Variants in CNTN5 observed in about 807,000 individuals in gnomAD.
CNTN5 encodes the protein contactin-5.
In CNTN5, 77 loss-of-function variants were observed where a neutral mutation model predicts 129.1. The ratio of observed to expected loss-of-function variants is 0.60; its 90% confidence interval spans 0.50 to 0.72. CNTN5 has a LOEUF of 0.72. Ranked by LOEUF, CNTN5 falls within the 30% of genes least tolerant of loss-of-function variation. The probability of loss-of-function intolerance (pLI) is 0.00; values close to 1 mark genes in which losing one functional copy is unlikely to be tolerated. For missense variants in CNTN5, 1,478 were observed against 1,328.8 expected (o/e 1.11, Z -1.75); for synonymous variants, 509 against 465.6 (o/e 1.09, Z -1.20).
chr11:99,662,860 A>T (rs998106238), intron 3 of CNTN5, among the ~76,000 whole-genome samples: 1 of 152,218 alleles, frequency 6.6e-6, no homozygotes, highest in Admixed American at 6.5e-5. Context: ...AAAGCTCCTC[A>T]GATGCATGTA....
At chr11:99,892,054 T>A (rs527495077) in intron 6 of CNTN5, among the ~76,000 whole-genome samples, 5 of 152,306 alleles carry the variant, frequency 3.3e-5, no homozygotes, top group Admixed American at 2.6e-4. Context: ...CTAATAGTGG[T>A]TTTGATTTGC....
intron 9 of CNTN5, among the ~76,000 whole-genome samples, chr11:100,012,378 G>T (rs1041351250): frequency 6.6e-6 from 1 of 152,048 alleles, no homozygotes; most frequent in Admixed American, 6.6e-5. Flanking sequence ...CTAATGTTTT[G>T]ATGCAACTTC....
At chr11:99,245,928 G>A (rs1297195080) in intron 1 of CNTN5, among the ~76,000 whole-genome samples, 2 of 152,054 alleles carry the variant, frequency 1.3e-5, no homozygotes, top group Non-Finnish European at 2.9e-5. Context: ...AATATTTCCT[G>A]GAAGACAAAA....
chr11:99,555,548 C>T lies in CNTN5; in HGVS notation c.-70-597C>T, dbSNP rs1487701236. On this transcript the variant is annotated intron_variant, in intron 2 of 24. Coordinates refer to ENST00000524871, the MANE Select transcript of CNTN5 (RefSeq NM_014361.4). Reference sequence around the variant, plus strand: ...TTAAATATTCATGAAAATCCTTTTTCCCTTACGTTCCAGCCAGCAAAAGAT... The same window carrying T: ...TTAAATATTCATGAAAATCCTTTTTTCCTTACGTTCCAGCCAGCAAAAGAT... Among the ~76,000 whole-genome samples the T allele has an allele frequency of 7.2e-5, 11 of 151,972 alleles. No homozygotes were observed. The East Asian group carries it at 2.1e-3, about 29-fold the overall frequency.
At chr11:99,641,503 G>A (rs1170126783) in intron 3 of CNTN5, among the ~76,000 whole-genome samples, 1 of 152,170 alleles carries the variant, frequency 6.6e-6, no homozygotes, top group Non-Finnish European at 1.5e-5. Context: ...GGAGACGTAG[G>A]AGGGCATGTC....
chr11:99,732,548 G>T (rs2135106854), intron 3 of CNTN5, among the ~76,000 whole-genome samples: 1 of 152,264 alleles, frequency 6.6e-6, no homozygotes, highest in South Asian at 2.1e-4. Context: ...TTCCATGAGA[G>T]AGGTGAGAAT....
rs1952582869 is a variant in CNTN5, at chr11:100,358,829, A to C, written c.*2609A>C. ...GCACAGTCAAATAATAGTTCTGTGTACTGTTCTTGTAACATTAGATCTTTT... is the reference window on the plus strand; with the variant it reads ...GCACAGTCAAATAATAGTTCTGTGTCCTGTTCTTGTAACATTAGATCTTTT... On this transcript the variant is annotated 3_prime_UTR_variant, in exon 25 of 25. Coordinates refer to ENST00000524871, the MANE Select transcript of CNTN5 (RefSeq NM_014361.4). 1 of 151,950 alleles carries C rather than the reference A, an allele frequency of 6.6e-6. No individual in the cohort carries two copies. The highest frequency in any genetic ancestry group is 2.4e-5 in the African/African-American group (1 of 41,418). 9.4% of individuals were successfully genotyped at this position (151,950 alleles called of 1,614,324 possible).
At chr11:99,319,111 C>T (rs1363589524) in intron 1 of CNTN5, among the ~76,000 whole-genome samples, 1 of 152,128 alleles carries the variant, frequency 6.6e-6, no homozygotes, top group Non-Finnish European at 1.5e-5. Context: ...AAACAAAAAA[C>T]TATCTTGACA....
At chr11:99,617,933 C>T (rs76172770) in intron 3 of CNTN5, among the ~76,000 whole-genome samples, 4,336 of 152,190 alleles carry the variant, frequency 0.028, 168 homozygotes, top group East Asian at 0.093. Flanking sequence ...TATTACTCAA[C>T]AACAAAGCTT....
intron 1 of CNTN5, among the ~76,000 whole-genome samples, chr11:99,149,792 A>G (rs750598361): frequency 5.7e-4 from 86 of 152,206 alleles, no homozygotes; most frequent in African/African-American, 1.8e-3. Flanking sequence ...ATATTTGATC[A>G]CACACACAAA....
rs539878071 is a variant in CNTN5 at position 100,047,903 on chromosome 11, G to A, written c.981-13309G>A. 5.1e-4 allele frequency among the ~76,000 whole-genome samples: 77 copies of A among 152,168 alleles called. 1 individual carries two copies. The highest frequency in any genetic ancestry group is 3.6e-3 in the Admixed American group (55 of 15,290). On this transcript the variant is annotated intron_variant, in intron 9 of 24. Transcript: ENST00000524871. ...TCCCAGCAATTTGGGAGGCCGAGGCGGGCAGATCACCAAGTCAGGAGATGG... is the reference window on the plus strand; with the variant it reads ...TCCCAGCAATTTGGGAGGCCGAGGCAGGCAGATCACCAAGTCAGGAGATGG...
At chr11:99,738,616 C>CTT (rs1555093398) in intron 3 of CNTN5, among the ~76,000 whole-genome samples, 9 of 143,318 alleles carry the variant, frequency 6.3e-5, no homozygotes, top group African/African-American at 2.3e-4. Flanking sequence ...AAGACAGTAA[C>CTT]GTGTGTGTGT....
Position 100,107,470 on chromosome 11 carries a change from T to C in CNTN5, c.1580+33176T>C, listed in dbSNP as rs1005415711. ...ACAGAATCACAGGCTTATTTCCAGA[T>C]GCTGCAACTATAGTATTCTTTTTTT... On this transcript the variant is annotated intron_variant, in intron 13 of 24. Coordinates refer to ENST00000524871, the MANE Select transcript of CNTN5 (RefSeq NM_014361.4). Among the ~76,000 whole-genome samples, 4 of 150,952 alleles carry C rather than the reference T, an allele frequency of 2.6e-5. No homozygotes were observed. In the South Asian group the frequency reaches 8.4e-4, roughly 32 times the overall value.
At chr11:99,036,077 T>G (rs1032762393) in intron 1 of CNTN5, among the ~76,000 whole-genome samples, 1 of 152,166 alleles carries the variant, frequency 6.6e-6, no homozygotes, top group African/African-American at 2.4e-5. Flanking sequence ...ATTCTTTTCT[T>G]TGAGAATGTT....
At chr11:99,999,269 C>G (rs571474793) in intron 8 of CNTN5, among the ~76,000 whole-genome samples, 2 of 152,162 alleles carry the variant, frequency 1.3e-5, no homozygotes, top group Admixed American at 6.5e-5. Flanking sequence ...TGACAAAGGG[C>G]TAATATCCAG....
chr11:99,163,721 A>G (rs2135520679), intron 1 of CNTN5, among the ~76,000 whole-genome samples: 1 of 152,312 alleles, frequency 6.6e-6, no homozygotes, highest in African/African-American at 2.4e-5. Flanking sequence ...AATCCATATA[A>G]GAATTACTAG....
rs998612185 is a variant in CNTN5 at position 99,861,510 on chromosome 11, C to T, written c.577+16248C>T. ...TGACTTTCATTTGAATTTTTTTTTC[C>T]AATAATTCAAGCAATATGTAGTTTC... On this transcript the variant is annotated intron_variant, in intron 6 of 24. Coordinates refer to ENST00000524871, the MANE Select transcript of CNTN5 (RefSeq NM_014361.4). 7.9e-5 allele frequency among the ~76,000 whole-genome samples: 12 copies of T among 151,914 alleles called. No individual in the cohort carries two copies. In the East Asian group the frequency reaches 2.1e-3, roughly 27 times the overall value.
chr11:99,910,134 G>T (rs929891894), intron 6 of CNTN5, among the ~76,000 whole-genome samples: 1 of 151,970 alleles, frequency 6.6e-6, no homozygotes, highest in African/African-American at 2.4e-5. Flanking sequence ...AATCTTTTCT[G>T]CTGTGAGTTC....
intron 13 of CNTN5, among the ~76,000 whole-genome samples, chr11:100,101,876 C>T (rs1468802819): frequency 6.6e-6 from 1 of 152,094 alleles, no homozygotes; most frequent in Non-Finnish European, 1.5e-5. Context: ...TAATGGCCTC[C>T]AGCTCCATCC....
Sources: gnomAD v4.1 joint callset for allele counts (sites outside exome capture counted in the v4.1 genomes callset) on GRCh38, gnomAD v4.1.1 for gene constraint, MANE v1.5 for transcripts, NCBI Gene and HGNC (gene_info 2026-07-23, HGNC 2026-07-21) for gene names.